Variants in PVR observed in about 807,000 individuals in gnomAD.
PVR encodes PVR cell adhesion molecule.
PVR carries 39 observed loss-of-function variants against 43.3 expected under a neutral mutation model. The observed-to-expected ratio is 0.90, with a 90% CI of 0.70 to 1.18. PVR has a LOEUF of 1.18. PVR is among the 50% of genes most tolerant of loss of function. The pLI is 0.00. For synonymous variants in PVR, 224 were observed against 233.2 expected, an observed-to-expected ratio of 0.96 and a Z score of 0.36; for missense variants, 480 against 549.7, an observed-to-expected ratio of 0.87 and a Z score of 1.27.
chr19:44,655,119 T>G (rs1013842732), intron 4 of PVR, among the ~76,000 whole-genome samples: 2 of 152,184 alleles, frequency 1.3e-5, no homozygotes, highest in Non-Finnish European at 2.9e-5. Context: ...GAAGGGGCTC[T>G]GTTGCCGAGG....
chr19:44,644,427 A>G (rs1475581213), intron 1 of PVR, among the ~76,000 whole-genome samples: 2 of 152,186 alleles, frequency 1.3e-5, no homozygotes, highest in Non-Finnish European at 2.9e-5. Context: ...GGTCGGGCAC[A>G]AGACCCTCCT....
At chr19:44,650,137 C>T (rs1241162076) in intron 3 of PVR, 32 bp downstream of exon 3, 2 of 1,495,354 alleles carry the variant, frequency 1.3e-6, no homozygotes, top group East Asian at 4.7e-5. Context: ...ATGGCAAGAA[C>T]CCCTGCCGGG....
intron 4 of PVR, 68 bp from the exon 5 acceptor site, chr19:44,657,694 G>T: frequency 6.5e-7 from 1 of 1,535,116 alleles, no homozygotes; most frequent in South Asian, 1.1e-5. Context: ...GGCACGTAGT[G>T]CGTGCTCAAT....
Position 44,661,134 on chromosome 19 carries a change from C to T in PVR, c.1151-158C>T, listed in dbSNP as rs1443081788. On this transcript the variant is annotated intron_variant, in intron 6 of 7. Transcript: ENST00000425690. Reference sequence around the variant, plus strand: ...TCCTTAGAAAGCACACCCTCCATCCCTGTCTGACACACGTGTATACCATTA... The same window carrying T: ...TCCTTAGAAAGCACACCCTCCATCCTTGTCTGACACACGTGTATACCATTA... Among the ~76,000 whole-genome samples, 2 of 152,190 alleles carry T rather than the reference C, an allele frequency of 1.3e-5. 1 individual carries two copies. The highest frequency in any genetic ancestry group is 1.3e-4 in the Admixed American group (2 of 15,276).
chr19:44,653,894 C>T lies in PVR; in HGVS notation c.725-6C>T. ...GTCTCTGAACCTCTGTATCCATTTC[C>T]TGCAGACCCCCCAGAGGTATCCATC... On this transcript the variant is annotated splice_region_variant and splice_polypyrimidine_tract_variant and intron_variant, in intron 3 of 7. Coordinates refer to ENST00000425690, the MANE Select transcript of PVR (RefSeq NM_006505.5). The T allele has an allele frequency of 6.2e-7, 1 of 1,601,924 alleles. No individual in the cohort carries two copies. The highest frequency in any genetic ancestry group is 1.1e-5 in the South Asian group (1 of 90,818).
chr19:44,647,499 G>A lies in PVR; in HGVS notation c.356G>A (p.Gly119Asp). Residue 119 changes from glycine to aspartate, a missense_variant, in exon 2 of 8, where the codon GGC becomes GAC. By Grantham distance (94) the Gly-to-Asp change is moderately conservative. Coordinates refer to ENST00000425690, the MANE Select transcript of PVR (RefSeq NM_006505.5). ...RMFGLRVEDE[G>D]NYTCLFVTFP... The stretch of plus-strand genomic sequence containing the variant: ...TTCGGGTTGCGCGTAGAGGATGAAG[G>A]CAACTACACCTGCCTGTTCGTCACG... 1.2e-6 allele frequency: 2 copies of A among 1,614,124 alleles called. No individual in the cohort carries two copies. Among genetic ancestry groups the A allele is most frequent in the Non-Finnish European group, 1.7e-6 (2 of 1,180,006 alleles).
chr19:44,651,256 A>G (rs936413766), intron 3 of PVR, among the ~76,000 whole-genome samples: 2 of 151,836 alleles, frequency 1.3e-5, no homozygotes, highest in Non-Finnish European at 2.9e-5. Flanking sequence ...TACACCACCT[A>G]TTTTGGCCAC....
rs747120263 is a variant in PVR at position 44,658,756 on chromosome 19, G to T, written c.1006G>T (p.Glu336Ter). ...TTCTCTTTCAGAGGGACCTCCCAGT[G>T]AGCACTCAGGCATGTCCCGTAACGC... The part of the protein sequence containing the change: ...TVQVKEGPPS[E>*]HSGMSRNAII... The change falls in exon 6 of 8, where the codon GAG becomes TAG. Residue 336 changes from glutamate to a stop codon, truncating the protein, a stop_gained. Transcript: ENST00000425690. LOFTEE classifies it high-confidence loss of function. The T allele has an allele frequency of 6.2e-7, 1 of 1,609,064 alleles. No homozygotes were observed. The highest frequency in any genetic ancestry group is 8.5e-7 in the Non-Finnish European group (1 of 1,175,736).
intron 2 of PVR, 152 bp from the exon 3 acceptor site, chr19:44,649,657 G>A (rs1052584615): frequency 9.2e-5 from 70 of 760,688 alleles, no homozygotes; most frequent in Non-Finnish European, 1.3e-4. Context: ...CTGACCCCAA[G>A]TGATCCACCC....
chr19:44,660,474 T>G (rs1011534764), intron 6 of PVR, among the ~76,000 whole-genome samples: 2 of 152,198 alleles, frequency 1.3e-5, no homozygotes, highest in Non-Finnish European at 2.9e-5. Flanking sequence ...ATTACTATTA[T>G]TGTTATTATT....
rs956721268 is a variant in PVR, at chr19:44,665,419, G to C, written c.*3608G>C. ...CCCAGCACTTTGGGAGGCTGCAGCGGGTGGATCACTTGAGGTAAGGAGTTC... is the reference window on the plus strand; with the variant it reads ...CCCAGCACTTTGGGAGGCTGCAGCGCGTGGATCACTTGAGGTAAGGAGTTC... On this transcript the variant is annotated 3_prime_UTR_variant, in exon 8 of 8. Transcript: ENST00000425690. 6.6e-6 allele frequency: 1 copy of C among 152,056 alleles called. No individual in the cohort carries two copies. Among genetic ancestry groups the C allele is most frequent in the African/African-American group, 2.4e-5 (1 of 41,376 alleles). The allele number at this position is 152,056 out of a possible 1,614,324, so 9.4% of individuals were successfully genotyped here.
intron 6 of PVR, 161 bp downstream of exon 6, chr19:44,659,061 G>A: frequency 1.6e-6 from 1 of 607,934 alleles, no homozygotes; most frequent in South Asian, 2.3e-5. Context: ...CTGGTTCATT[G>A]ATTACATTTA....
At position 44,661,369 on chromosome 19, in the gene PVR, C is replaced by T; in HGVS notation, c.1182+46C>T. On this transcript the variant is annotated intron_variant, in intron 7 of 7. Coordinates refer to ENST00000425690, the MANE Select transcript of PVR (RefSeq NM_006505.5). Reference sequence around the variant, plus strand: ...AAGGAGGGTGTGGGGTCTGCACGAACTACAGACCAGACGTCTTCAGATGCC... The same window carrying T: ...AAGGAGGGTGTGGGGTCTGCACGAATTACAGACCAGACGTCTTCAGATGCC... 10 of 1,594,932 alleles carry T rather than the reference C, an allele frequency of 6.3e-6. No individual in the cohort carries two copies. The Middle Eastern group carries it at 1.5e-3, about 239-fold the overall frequency.
chr19:44,651,466 G>A lies in PVR; in HGVS notation c.724+1361G>A, dbSNP rs114689760. On this transcript the variant is annotated intron_variant, in intron 3 of 7. Coordinates refer to ENST00000425690, the MANE Select transcript of PVR (RefSeq NM_006505.5). ...GTATCGACCAGTTCCCCTGAGCCAC[G>A]ATCAACTGTCTCCGCCGGGTGCTAG... 3.5e-3 allele frequency among the ~76,000 whole-genome samples: 540 copies of A among 152,232 alleles called. 4 individuals are homozygous for A. Among genetic ancestry groups the A allele is most frequent in the African/African-American group, 0.013 (525 of 41,536 alleles).
At chr19:44,648,027 A>T (rs1027170574) in intron 2 of PVR, among the ~76,000 whole-genome samples, 4 of 152,122 alleles carry the variant, frequency 2.6e-5, no homozygotes, top group Admixed American at 6.5e-5. Flanking sequence ...CTGTGTACCC[A>T]TGAGGGCAGA....
chr19:44,645,028 TAATATATAATATATAATAA>T (rs1207700257), intron 1 of PVR, among the ~76,000 whole-genome samples: 44 of 108,416 alleles, frequency 4.1e-4, no homozygotes, highest in Non-Finnish European at 7.2e-4. Flanking sequence ...TATATTATAG[TAATATATAATATATAATAA>T]AATATATAAT....
At position 44,648,040 on chromosome 19, in the gene PVR, C is replaced by G. The variant is rs116619270; in HGVS notation, c.427+470C>G. On this transcript the variant is annotated intron_variant, in intron 2 of 7. Transcript: ENST00000425690. ...GACTGTGTACCCATGAGGGCAGAAC[C>G]GGGGCTATTTTGATCACTGCTGGGC... Among the ~76,000 whole-genome samples the G allele has an allele frequency of 1.3e-5, 2 of 152,038 alleles. 1 individual carries two copies. The highest frequency in any genetic ancestry group is 4.8e-5 in the African/African-American group (2 of 41,378).
intron 3 of PVR, among the ~76,000 whole-genome samples, chr19:44,652,681 C>T (rs1358964133): frequency 6.6e-6 from 1 of 151,814 alleles, no homozygotes. Flanking sequence ...CGCACCCGGC[C>T]TATTTTTATT....
chr19:44,649,413 A>G (rs1443593427), intron 2 of PVR, among the ~76,000 whole-genome samples: 1 of 148,186 alleles, frequency 6.7e-6, no homozygotes, highest in Non-Finnish European at 1.5e-5. Context: ...GATTTAAACC[A>G]TGCCATTCTG....
Sources: allele counts gnomAD v4.1 joint callset (sites outside exome capture counted in the v4.1 genomes callset), GRCh38; gene constraint gnomAD v4.1.1; transcripts MANE v1.5; gene names NCBI Gene and HGNC (gene_info 2026-07-23, HGNC 2026-07-21).